The following KLHL1 variants were observed in gnomAD, a reference collection of about 807,000 sequenced individuals.
The protein encoded by KLHL1 is kelch-like protein 1.
In KLHL1, 47 loss-of-function variants were observed where a neutral mutation model predicts 77.7. The ratio of observed to expected loss-of-function variants is 0.60; its 90% CI spans 0.48 to 0.77. KLHL1 has a LOEUF of 0.77. KLHL1 is among the 30% of genes least tolerant of loss of function. KLHL1 has a pLI of 0.00. For missense variants in KLHL1, 925 were observed against 910.8 expected (o/e 1.02, Z -0.20); for synonymous variants, 360 against 325.2 (o/e 1.11, Z -1.15).
At chr13:70,029,700 C>G (rs1417533878) in intron 1 of KLHL1, among the ~76,000 whole-genome samples, 2 of 152,162 alleles carry the variant, frequency 1.3e-5, no homozygotes, top group South Asian at 2.1e-4. Flanking sequence ...ATCAACTAAC[C>G]AGCAAAATAA....
intron 4 of KLHL1, among the ~76,000 whole-genome samples, chr13:69,910,185 T>C (rs1882190888): frequency 6.6e-6 from 1 of 152,216 alleles, no homozygotes. Flanking sequence ...CAAATAATTA[T>C]ACTAAGTTAA....
At chr13:69,788,667 T>TA (rs1555268533) in intron 7 of KLHL1, among the ~76,000 whole-genome samples, 4 of 110,926 alleles carry the variant, frequency 3.6e-5, no homozygotes, top group East Asian at 2.4e-4. Context: ...ATAATAATAA[T>TA]AATAGAAAAT....
intron 2 of KLHL1, among the ~76,000 whole-genome samples, chr13:69,973,217 G>GA (rs1433231638): frequency 6.6e-6 from 1 of 151,688 alleles, no homozygotes; most frequent in Non-Finnish European, 1.5e-5. Context: ...TGATAATTGT[G>GA]ACCAATATCA....
At chr13:69,735,087 T>A (rs1163547743) in intron 8 of KLHL1, among the ~76,000 whole-genome samples, 1 of 151,994 alleles carries the variant, frequency 6.6e-6, no homozygotes, top group Non-Finnish European at 1.5e-5. Flanking sequence ...GTAATATGAT[T>A]TATAGTTAGA....
chr13:69,704,085 T>C (rs1566349561), intron 10 of KLHL1, among the ~76,000 whole-genome samples: 2 of 151,718 alleles, frequency 1.3e-5, no homozygotes, highest in African/African-American at 2.4e-5. Flanking sequence ...CTGGACTACA[T>C]ATAGAGTGAG....
chr13:70,084,622 C>CTTTTTTTTTTTTTTT (rs71116988), intron 1 of KLHL1, among the ~76,000 whole-genome samples: 163 of 14,950 alleles, frequency 0.011, 43 homozygotes, highest in East Asian at 0.032. Flanking sequence ...CCACGCCAGG[C>CTTTTTTTTTTTTTTT]TTTTTTTTTT....
At chr13:69,780,024 T>C (rs1008713423) in intron 7 of KLHL1, among the ~76,000 whole-genome samples, 1 of 140,958 alleles carries the variant, frequency 7.1e-6, no homozygotes, top group African/African-American at 2.7e-5. Context: ...GGCTTGTCTC[T>C]ATCTATCTCC....
Position 70,032,875 on chromosome 13 carries a change from A to T in KLHL1, c.498-57073T>A, listed in dbSNP as rs151013296. Among the ~76,000 whole-genome samples, 472 of 152,286 alleles carry T rather than the reference A, an allele frequency of 3.1e-3. 3 individuals are homozygous for T. The highest frequency in any genetic ancestry group is 0.01 in the African/African-American group (436 of 41,564). On this transcript the variant is annotated intron_variant, in intron 1 of 10. Transcript: ENST00000377844. ...ATGTGGTTGGTGCAAACGTAATTGC[A>T]GTTTTGCCATTTTTTTATGGTCATT...
intron 1 of KLHL1, among the ~76,000 whole-genome samples, chr13:70,025,419 G>T (rs1198869601): frequency 6.6e-6 from 1 of 151,842 alleles, no homozygotes. Context: ...TCTGGCATTT[G>T]TCATGTAATG....
intron 6 of KLHL1, among the ~76,000 whole-genome samples, chr13:69,799,093 G>GA (rs67444969): frequency 1.8e-3 from 250 of 137,716 alleles, no homozygotes; most frequent in African/African-American, 4.9e-3. Flanking sequence ...GTTGCATAAA[G>GA]AAAAAAAAAA....
chr13:70,094,930 T>C lies in KLHL1; in HGVS notation c.497+12273A>G, dbSNP rs574769968. On this transcript the variant is annotated intron_variant, in intron 1 of 10. Coordinates refer to ENST00000377844, the MANE Select transcript of KLHL1 (RefSeq NM_020866.3). ...ATTAATGACAAGAGAAGTGAGAAAGTAGCCAGTAGAATAAATACCAATGGC... is the reference window on the plus strand; with the variant it reads ...ATTAATGACAAGAGAAGTGAGAAAGCAGCCAGTAGAATAAATACCAATGGC... 2.6e-5 allele frequency among the ~76,000 whole-genome samples: 4 copies of C among 152,244 alleles called. No homozygotes were observed. The East Asian group carries it at 5.8e-4, about 22-fold the overall frequency.
chr13:69,820,543 A>G (rs12430318), intron 6 of KLHL1, among the ~76,000 whole-genome samples: 12,212 of 152,260 alleles, frequency 0.08, 599 homozygotes, highest in Non-Finnish European at 0.1. Context: ...ATTGGCCAAC[A>G]GAGGCATAAG....
chr13:69,788,642 C>A (rs1292801885), intron 7 of KLHL1, among the ~76,000 whole-genome samples: 1 of 150,484 alleles, frequency 6.6e-6, no homozygotes. Context: ...GTACATGTAC[C>A]CTAAAACTTA....
intron 7 of KLHL1, among the ~76,000 whole-genome samples, chr13:69,788,535 T>C (rs12428810): frequency 0.42 from 63,272 of 151,768 alleles, 13,614 homozygotes; most frequent in African/African-American, 0.52. Context: ...GTGGGAGGGA[T>C]AGCATTAGGA....
At chr13:70,028,744 A>G (rs1886016918) in intron 1 of KLHL1, among the ~76,000 whole-genome samples, 1 of 152,142 alleles carries the variant, frequency 6.6e-6, no homozygotes, top group African/African-American at 2.4e-5. Flanking sequence ...TGAGAGGCCG[A>G]AGCAGGTGAA....
In KLHL1 at chr13:69,975,771, G is replaced by A; in HGVS notation, c.529C>T (p.Gln177Ter). 6.2e-7 allele frequency: 1 copy of A among 1,610,868 alleles called. No individual in the cohort carries two copies. The highest frequency in any genetic ancestry group is 2.2e-5 in the East Asian group (1 of 44,576). The part of the protein sequence containing the change: ...LSSTGHSMTP[Q>*]SDLDSSSSEE... The stretch of plus-strand genomic sequence containing the variant: ...GAGCTACTGGAGTCCAAATCACTTT[G>A]AGGTGTCATTGAATGGCCGGTTGAT... Residue 177 changes from glutamine (Q) to a stop codon, truncating the protein, a stop_gained, in exon 2 of 11, where the codon CAA becomes TAA. Transcript: ENST00000377844. LOFTEE classifies it high-confidence loss of function.
chr13:69,922,567 C>T (rs774763235), intron 4 of KLHL1, among the ~76,000 whole-genome samples: 6 of 151,966 alleles, frequency 3.9e-5, no homozygotes, highest in African/African-American at 9.7e-5. Context: ...AAGTAACCTC[C>T]TAATTTAAGA....
chr13:69,922,071 C>T (rs752302185), intron 4 of KLHL1, among the ~76,000 whole-genome samples: 4 of 151,730 alleles, frequency 2.6e-5, no homozygotes, highest in Non-Finnish European at 5.9e-5. Context: ...TGGGACTAAA[C>T]GTGCACACGA....
intron 4 of KLHL1, among the ~76,000 whole-genome samples, chr13:69,893,499 G>A (rs1360282014): frequency 6.6e-6 from 1 of 152,138 alleles, no homozygotes; most frequent in Non-Finnish European, 1.5e-5. Flanking sequence ...CTCCCAAAGT[G>A]CTGGGATTAC....
Sources: gnomAD v4.1 joint callset for allele counts (sites outside exome capture counted in the v4.1 genomes callset) on GRCh38, gnomAD v4.1.1 for gene constraint, MANE v1.5 for transcripts, NCBI Gene and HGNC (gene_info 2026-07-23, HGNC 2026-07-21) for gene names.